TAFA4: variants seen among roughly 807,000 people sequenced by gnomAD.
The protein encoded by TAFA4 is TAFA chemokine like family member 4.
A neutral mutation model predicts 21.1 loss-of-function variants in TAFA4; 20 were observed. That is an observed-to-expected ratio of 0.95 (90% CI 0.67 to 1.38). The LOEUF is 1.38. TAFA4 is among the 40% of genes most tolerant of loss of function. The probability of loss-of-function intolerance (pLI) is 0.00; values close to 1 mark genes in which losing one functional copy is unlikely to be tolerated. For missense variants in TAFA4, 211 were observed against 180.9 expected (o/e 1.17, Z -0.95); for synonymous variants, 71 against 67.4 (o/e 1.05, Z -0.26).
intron 3 of TAFA4, among the ~76,000 whole-genome samples, chr3:68,862,359 C>G (rs1480164882): frequency 2.0e-5 from 3 of 152,116 alleles, no homozygotes; most frequent in African/African-American, 7.2e-5. Context: ...AGTTAAGAAT[C>G]TAAGCAATTT....
chr3:68,795,788 C>T (rs1703444161), intron 3 of TAFA4, among the ~76,000 whole-genome samples: 3 of 152,148 alleles, frequency 2.0e-5, no homozygotes, highest in Non-Finnish European at 2.9e-5. Context: ...GGTGTCTGAG[C>T]ATTGAAGGGT....
intron 3 of TAFA4, 92 bp downstream of exon 3, chr3:68,880,638 C>T: frequency 9.9e-7 from 1 of 1,008,680 alleles, no homozygotes; most frequent in Non-Finnish European, 1.5e-6. Flanking sequence ...CCATCAGAAG[C>T]TCACATCAGT....
At chr3:68,791,154 A>G (rs1032514455) in intron 3 of TAFA4, among the ~76,000 whole-genome samples, 1 of 152,216 alleles carries the variant, frequency 6.6e-6, no homozygotes, top group Admixed American at 6.5e-5. Context: ...TCTCTGCACA[A>G]CACAAGTATT....
intron 1 of TAFA4, among the ~76,000 whole-genome samples, chr3:68,898,749 G>C (rs2089816416): frequency 6.6e-6 from 1 of 152,206 alleles, no homozygotes; most frequent in Admixed American, 6.5e-5. Context: ...GAATAACCCT[G>C]TAAGGAAGTC....
In TAFA4 at chr3:68,875,025, C is replaced by G. The variant is rs142631642; in HGVS notation, c.130+5705G>C. ...AACGGAGGCTAGTGGAATCCCTCAC[C>G]ATGGAAGCTTTTAGCATTCAAAAAG... On this transcript the variant is annotated intron_variant, in intron 3 of 5. Coordinates refer to ENST00000295569, the MANE Select transcript of TAFA4 (RefSeq NM_182522.5). 2.8e-3 allele frequency among the ~76,000 whole-genome samples: 420 copies of G among 152,180 alleles called. 3 individuals are homozygous for G. Among genetic ancestry groups the G allele is most frequent in the African/African-American group, 9.7e-3 (401 of 41,520 alleles).
At chr3:68,851,877 G>C (rs1458007615) in intron 3 of TAFA4, among the ~76,000 whole-genome samples, 1 of 152,138 alleles carries the variant, frequency 6.6e-6, no homozygotes, top group African/African-American at 2.4e-5. Flanking sequence ...ACAATATTGA[G>C]ATCAGATCTA....
At chr3:68,914,958 G>A (rs7650625) in intron 1 of TAFA4, among the ~76,000 whole-genome samples, 39,952 of 152,038 alleles carry the variant, frequency 0.26, 5,705 homozygotes, top group African/African-American at 0.38. Context: ...TGCAACATTC[G>A]TTTACATACC....
intron 1 of TAFA4, among the ~76,000 whole-genome samples, chr3:68,899,757 A>G (rs2089826107): frequency 6.6e-6 from 1 of 152,164 alleles, no homozygotes; most frequent in Admixed American, 6.6e-5. Context: ...CCAAAGCAGA[A>G]AAACACAAGA....
chr3:68,885,096 C>T, intron 2 of TAFA4, 79 bp downstream of exon 2: 2 of 1,403,532 alleles, frequency 1.4e-6, no homozygotes, highest in Non-Finnish European at 1.0e-6. Flanking sequence ...GGATCATCAA[C>T]TCCAGGATAC....
intron 3 of TAFA4, among the ~76,000 whole-genome samples, chr3:68,773,790 G>A (rs1362061114): frequency 6.6e-6 from 1 of 152,144 alleles, no homozygotes; most frequent in Non-Finnish European, 1.5e-5. Flanking sequence ...ATTTTCGTTT[G>A]ACAGATGAAG....
At chr3:68,861,249 C>T (rs2089340634) in intron 3 of TAFA4, among the ~76,000 whole-genome samples, 1 of 151,928 alleles carries the variant, frequency 6.6e-6, no homozygotes, top group Non-Finnish European at 1.5e-5. Context: ...GATGAGGGTT[C>T]ACTGTGAAGT....
intron 3 of TAFA4, among the ~76,000 whole-genome samples, chr3:68,800,047 A>G (rs1182592496): frequency 6.6e-6 from 1 of 152,074 alleles, no homozygotes; most frequent in Admixed American, 6.5e-5. Flanking sequence ...TTGCCCCCAA[A>G]TGGGACTAAT....
chr3:68,846,609 G>A (rs1704805030), intron 3 of TAFA4, among the ~76,000 whole-genome samples: 1 of 152,010 alleles, frequency 6.6e-6, no homozygotes, highest in Admixed American at 6.5e-5. Flanking sequence ...TCTGGTTTTT[G>A]GAATTTTCAG....
chr3:68,832,368 T>C (rs1704420141), intron 3 of TAFA4, among the ~76,000 whole-genome samples: 2 of 152,218 alleles, frequency 1.3e-5, no homozygotes, highest in Non-Finnish European at 2.9e-5. Context: ...GGTTTTGGTG[T>C]GGATGTCCTT....
At chr3:68,751,461 T>C (rs975675599) in intron 4 of TAFA4, among the ~76,000 whole-genome samples, 6 of 152,110 alleles carry the variant, frequency 3.9e-5, no homozygotes, top group Non-Finnish European at 4.4e-5. Flanking sequence ...GCAGAAAGAA[T>C]GGTTGTGATG....
At chr3:68,862,855 T>TCACA (rs145463746) in intron 3 of TAFA4, among the ~76,000 whole-genome samples, 6,528 of 148,482 alleles carry the variant, frequency 0.044, 465 homozygotes, top group African/African-American at 0.15. Flanking sequence ...AAAAGAATTT[T>TCACA]CACACACACA....
chr3:68,767,095 A>G (rs1702868332), intron 3 of TAFA4, among the ~76,000 whole-genome samples: 1 of 152,132 alleles, frequency 6.6e-6, no homozygotes, highest in Non-Finnish European at 1.5e-5. Context: ...TGGAGTACAA[A>G]TGGTTTTTGG....
At chr3:68,797,790 G>T (rs1703482196) in intron 3 of TAFA4, among the ~76,000 whole-genome samples, 1 of 151,972 alleles carries the variant, frequency 6.6e-6, no homozygotes, top group Non-Finnish European at 1.5e-5. Flanking sequence ...AGAGGCTGAG[G>T]GTGACGAATA....
At chr3:68,805,700 C>G (rs1050612197) in intron 3 of TAFA4, among the ~76,000 whole-genome samples, 2 of 151,424 alleles carry the variant, frequency 1.3e-5, no homozygotes, top group African/African-American at 4.9e-5. Flanking sequence ...CAAACTATCA[C>G]AAGGACAAAA....
Sources: allele counts gnomAD v4.1 joint callset (sites outside exome capture counted in the v4.1 genomes callset), GRCh38; gene constraint gnomAD v4.1.1; transcripts MANE v1.5; gene names NCBI Gene and HGNC (gene_info 2026-07-23, HGNC 2026-07-21).